SNAP25: variants seen among roughly 807,000 people sequenced by gnomAD.
The protein encoded by SNAP25 is synaptosomal-associated protein 25.
SNAP25 carries 3 observed loss-of-function variants against 28.7 expected under a neutral mutation model. The ratio of observed to expected loss-of-function variants is 0.10; its 90% confidence interval spans 0.05 to 0.27. SNAP25 has a LOEUF of 0.27. Among genes scored for constraint, SNAP25 ranks in the 10% least tolerant of loss-of-function variants. SNAP25 has a pLI of 1.00. For synonymous variants in SNAP25, 61 were observed against 88.1 expected (o/e 0.69, Z 1.72); for missense variants, 117 against 278.7 (o/e 0.42, Z 4.13).
chr20:10,275,611 T>C (rs780210027), intron 2 of SNAP25, 48 bp downstream of exon 2: 7 of 1,501,576 alleles, frequency 4.7e-6, no homozygotes, highest in Non-Finnish European at 6.3e-6. Flanking sequence ...AAGGCCTGAG[T>C]GGTTTGTCTT....
chr20:10,276,123 A>G lies in SNAP25; in HGVS notation c.72+560A>G, dbSNP rs191171472. 7.7e-4 allele frequency among the ~76,000 whole-genome samples: 118 copies of G among 152,316 alleles called. 1 individual carries two copies. Among genetic ancestry groups the G allele is most frequent in the South Asian group, 6.4e-3 (31 of 4,824 alleles). Reference sequence around the variant, plus strand: ...ATAATGTGTTACCATGTGTCTTTCCAACTTCATGATCAGTAATATGAAGTT... The same window carrying G: ...ATAATGTGTTACCATGTGTCTTTCCGACTTCATGATCAGTAATATGAAGTT... On this transcript the variant is annotated intron_variant, in intron 2 of 7. Coordinates refer to ENST00000254976, the MANE Select transcript of SNAP25 (RefSeq NM_130811.4).
intron 1 of SNAP25, among the ~76,000 whole-genome samples, chr20:10,258,802 A>G (rs1380434553): frequency 6.6e-6 from 1 of 152,176 alleles, no homozygotes; most frequent in African/African-American, 2.4e-5. Context: ...ACACTTTATC[A>G]TCATGTGGAG....
chr20:10,267,706 C>A (rs2063528725), intron 1 of SNAP25, among the ~76,000 whole-genome samples: 1 of 152,152 alleles, frequency 6.6e-6, no homozygotes, highest in East Asian at 1.9e-4. Flanking sequence ...CACACGCCAC[C>A]ACACCCAGCT....
chr20:10,295,217 G>A (rs754711310), intron 5 of SNAP25, among the ~76,000 whole-genome samples: 12 of 152,336 alleles, frequency 7.9e-5, no homozygotes, highest in Non-Finnish European at 1.6e-4. Flanking sequence ...GTAGATGTAC[G>A]GCAGTGATGT....
Position 10,247,597 on chromosome 20 carries a change from C to T in SNAP25, c.-63-27832C>T, listed in dbSNP as rs75683923. Reference sequence around the variant, plus strand: ...TTTGGTAAAGGATGTGAAGAGAGCACCTTCCATGACTGATGCGCCTTCCAA... The same window carrying T: ...TTTGGTAAAGGATGTGAAGAGAGCATCTTCCATGACTGATGCGCCTTCCAA... On this transcript the variant is annotated intron_variant, in intron 1 of 7. Transcript: ENST00000254976. Among the ~76,000 whole-genome samples the T allele has an allele frequency of 5.6e-3, 856 of 152,284 alleles. 7 individuals carry two copies. Among genetic ancestry groups the T allele is most frequent in the South Asian group, 8.1e-3 (39 of 4,826 alleles).
chr20:10,305,666 G>A (rs547014700), intron 7 of SNAP25, among the ~76,000 whole-genome samples: 13 of 152,240 alleles, frequency 8.5e-5, no homozygotes, highest in Admixed American at 2.0e-4. Flanking sequence ...GGTTGGAGAA[G>A]AGAAAGCTGA....
chr20:10,224,443 A>G (rs1369012584), intron 1 of SNAP25, among the ~76,000 whole-genome samples: 1 of 151,314 alleles, frequency 6.6e-6, no homozygotes, highest in African/African-American at 2.4e-5. Context: ...CCACTGTTGA[A>G]CTTGGTTTCT....
chr20:10,232,772 G>A (rs1276704700), intron 1 of SNAP25, among the ~76,000 whole-genome samples: 1 of 152,134 alleles, frequency 6.6e-6, no homozygotes, highest in Non-Finnish European at 1.5e-5. Context: ...TAGAGACATA[G>A]AGTGATATAC....
chr20:10,257,478 C>T (rs2063338381), intron 1 of SNAP25, among the ~76,000 whole-genome samples: 3 of 152,006 alleles, frequency 2.0e-5, no homozygotes, highest in South Asian at 2.1e-4. Flanking sequence ...TTTGGGAGGC[C>T]GAGGCGGGCG....
At chr20:10,285,688 G>T (rs1366063818) in intron 4 of SNAP25, among the ~76,000 whole-genome samples, 2 of 151,862 alleles carry the variant, frequency 1.3e-5, no homozygotes, top group African/African-American at 4.8e-5. Flanking sequence ...CAAGCTGTGG[G>T]GGGGAACGTG....
At chr20:10,283,969 G>C (rs2063827375) in intron 3 of SNAP25, among the ~76,000 whole-genome samples, 1 of 152,168 alleles carries the variant, frequency 6.6e-6, no homozygotes, top group South Asian at 2.1e-4. Context: ...TATTTGAACA[G>C]TAAGGAGATG....
intron 1 of SNAP25, among the ~76,000 whole-genome samples, chr20:10,273,636 CA>C (rs1330091907): frequency 6.6e-6 from 1 of 152,194 alleles, no homozygotes; most frequent in Admixed American, 6.5e-5. Context: ...GACAGGGACA[CA>C]CTTTGTTCTA....
intron 1 of SNAP25, among the ~76,000 whole-genome samples, chr20:10,243,310 C>T (rs2063067428): frequency 6.6e-6 from 1 of 152,122 alleles, no homozygotes; most frequent in Admixed American, 6.6e-5. Context: ...TTGTTGAAAC[C>T]TAACATTATC....
At chr20:10,265,506 G>T (rs2063491741) in intron 1 of SNAP25, among the ~76,000 whole-genome samples, 1 of 152,134 alleles carries the variant, frequency 6.6e-6, no homozygotes, top group African/African-American at 2.4e-5. Flanking sequence ...CTTGTTATTT[G>T]GGAGAGACAG....
intron 1 of SNAP25, among the ~76,000 whole-genome samples, chr20:10,260,708 C>CACACAA (rs2063396609): frequency 1.3e-5 from 2 of 150,054 alleles, no homozygotes; most frequent in Non-Finnish European, 3.0e-5. Flanking sequence ...CACACACACA[C>CACACAA]ACACACACAC....
chr20:10,234,045 G>A (rs933977931), intron 1 of SNAP25, among the ~76,000 whole-genome samples: 3 of 152,098 alleles, frequency 2.0e-5, no homozygotes, highest in African/African-American at 7.2e-5. Flanking sequence ...TGACAGGCTG[G>A]TAACTTAAAA....
chr20:10,270,614 T>C (rs13038193), intron 1 of SNAP25, among the ~76,000 whole-genome samples: 39,122 of 151,604 alleles, frequency 0.26, 5,206 homozygotes, highest in Middle Eastern at 0.33. Flanking sequence ...GCAGCAGAAT[T>C]ACTTGAACCA....
intron 1 of SNAP25, among the ~76,000 whole-genome samples, chr20:10,267,862 T>A (rs1342825725): frequency 1.3e-5 from 2 of 152,234 alleles, no homozygotes; most frequent in African/African-American, 4.8e-5. Context: ...TAGTCTCCAG[T>A]TTTTAATTAA....
chr20:10,249,239 G>T (rs972772056), intron 1 of SNAP25, among the ~76,000 whole-genome samples: 1 of 152,194 alleles, frequency 6.6e-6, no homozygotes, highest in African/African-American at 2.4e-5. Context: ...GCATTTGTTT[G>T]CTCATTCATT....
Sources: gnomAD v4.1 joint callset for allele counts (sites outside exome capture counted in the v4.1 genomes callset) on GRCh38, gnomAD v4.1.1 for gene constraint, MANE v1.5 for transcripts, NCBI Gene and HGNC (gene_info 2026-07-23, HGNC 2026-07-21) for gene names.